The following MYO16 variants were observed in gnomAD, a reference collection of about 807,000 sequenced individuals.
MYO16 encodes the protein unconventional myosin-XVI.
Under a neutral mutation model 205.3 loss-of-function variants are expected in MYO16, and 94 were observed. The observed-to-expected ratio is 0.46, with a 90% CI of 0.39 to 0.54. MYO16 has a LOEUF of 0.54. Among genes scored for constraint, MYO16 ranks in the 20% least tolerant of loss-of-function variants. The pLI, the probability that MYO16 is intolerant of heterozygous loss-of-function variation, is 0.00. For synonymous variants in MYO16, 988 were observed against 954.0 expected (o/e 1.04, Z -0.66); for missense variants, 2,315 against 2,387.5 (o/e 0.97, Z 0.63).
At chr13:109,007,706 TC>T (rs201217218) in intron 21 of MYO16, among the ~76,000 whole-genome samples, 24,379 of 151,866 alleles carry the variant, frequency 0.16, 2,231 homozygotes, top group Non-Finnish European at 0.2. Flanking sequence ...TAAAGGTTTT[TC>T]TTTAAGATTA....
intron 16 of MYO16, among the ~76,000 whole-genome samples, chr13:108,934,247 C>T (rs1016779176): frequency 3.3e-5 from 5 of 152,154 alleles, no homozygotes; most frequent in African/African-American, 1.2e-4. Flanking sequence ...CTCATCCTCA[C>T]CAATGTCTAT....
chr13:109,065,915 A>G (rs1279860904), intron 27 of MYO16, among the ~76,000 whole-genome samples: 4 of 152,330 alleles, frequency 2.6e-5, no homozygotes, highest in Admixed American at 2.0e-4. Flanking sequence ...CTTATTTGGA[A>G]AAGACAGAAG....
intron 33 of MYO16, among the ~76,000 whole-genome samples, chr13:109,171,433 A>G (rs544985137): frequency 2.4e-4 from 36 of 152,314 alleles, no homozygotes; most frequent in African/African-American, 8.4e-4. Context: ...TTTCTAGGAA[A>G]CATTTCTCTT....
At chr13:109,182,800 C>T (rs1879510252) in intron 34 of MYO16, among the ~76,000 whole-genome samples, 1 of 152,184 alleles carries the variant, frequency 6.6e-6, no homozygotes, top group African/African-American at 2.4e-5. Flanking sequence ...TGATGTTGTA[C>T]TGCATTATAA....
At chr13:109,185,532 G>C (rs1460489994) in intron 34 of MYO16, among the ~76,000 whole-genome samples, 1 of 152,076 alleles carries the variant, frequency 6.6e-6, no homozygotes, top group African/African-American at 2.4e-5. Flanking sequence ...GATTAGATTG[G>C]ATCAAGAGAA....
intron 5 of MYO16, among the ~76,000 whole-genome samples, 161 bp from the exon 6 acceptor site, chr13:108,793,355 A>G (rs1886680921): frequency 6.6e-6 from 1 of 152,252 alleles, no homozygotes. Context: ...TTGGAAATAG[A>G]ATATGTACAA....
chr13:109,057,536 A>G (rs913765793), intron 27 of MYO16, among the ~76,000 whole-genome samples: 1 of 152,028 alleles, frequency 6.6e-6, no homozygotes, highest in African/African-American at 2.4e-5. Context: ...AGTAGCTATC[A>G]CTGACTGTTG....
chr13:108,641,738 T>C (rs543614314), intron 1 of MYO16, among the ~76,000 whole-genome samples: 1 of 152,168 alleles, frequency 6.6e-6, no homozygotes, highest in Non-Finnish European at 1.5e-5. Flanking sequence ...CAGGGCAACA[T>C]TTTGCTTCAC....
intron 21 of MYO16, among the ~76,000 whole-genome samples, chr13:108,997,050 G>T (rs1050277360): frequency 6.6e-6 from 1 of 152,060 alleles, no homozygotes; most frequent in African/African-American, 2.4e-5. Context: ...CAGCACTTTG[G>T]GAAGCCAAGG....
At chr13:109,181,507 G>A (rs72658207) in intron 34 of MYO16, among the ~76,000 whole-genome samples, 8,666 of 152,262 alleles carry the variant, frequency 0.057, 348 homozygotes, top group Non-Finnish European at 0.087. Flanking sequence ...GATTGGGCAC[G>A]TAGCAGTAAA....
Position 109,141,144 on chromosome 13 carries a change from T to C in MYO16, c.4932T>C (p.Ser1644=), listed in dbSNP as rs1433678284. The change falls in exon 32 of 35, where the codon TCT becomes TCC. Residue 1644 remains serine (S), a synonymous_variant. Coordinates refer to ENST00000457511, the MANE Select transcript of MYO16 (RefSeq NM_001198950.3). The surrounding 1 kb of genome is among the most constrained non-coding windows in gnomAD (Gnocchi z 4.1). ...CCAAGGTTCACCCAAAGCCAAACTCTGCCCCCGTGGCCGGGCCCTGCAGCT... is the reference window on the plus strand; with the variant it reads ...CCAAGGTTCACCCAAAGCCAAACTCCGCCCCCGTGGCCGGGCCCTGCAGCT... ...EAPKVHPKPN[S]APVAGPCSSF... The C allele has an allele frequency of 6.3e-7, 1 of 1,599,984 alleles. No homozygotes were observed. Among genetic ancestry groups the C allele is most frequent in the South Asian group, 1.1e-5 (1 of 89,990 alleles).
intron 33 of MYO16, among the ~76,000 whole-genome samples, chr13:109,173,953 G>GC (rs1555338669): frequency 4.1e-5 from 6 of 147,630 alleles, no homozygotes; most frequent in Admixed American, 6.7e-5. Context: ...TTGATGGGGG[G>GC]GGGTACTCTC....
chr13:109,074,065 T>C (rs1314786104), intron 27 of MYO16, among the ~76,000 whole-genome samples: 1 of 152,222 alleles, frequency 6.6e-6, no homozygotes, highest in Non-Finnish European at 1.5e-5. Context: ...TAAGTTTCTC[T>C]GAATTATTTT....
chr13:108,687,541 T>A (rs1175371734), intron 2 of MYO16, among the ~76,000 whole-genome samples: 1 of 152,218 alleles, frequency 6.6e-6, no homozygotes, highest in Non-Finnish European at 1.5e-5. Context: ...TGCATTCATT[T>A]TAAACCACTC....
At chr13:108,631,374 C>G (rs1879974389) in intron 1 of MYO16, among the ~76,000 whole-genome samples, 1 of 152,146 alleles carries the variant, frequency 6.6e-6, no homozygotes, top group South Asian at 2.1e-4. Context: ...CAATATGAGT[C>G]TGCCCTTTCC....
At chr13:108,585,922 G>A in the MYO16 span, among the ~76,000 whole-genome samples, 2 of 149,846 alleles carry the variant, frequency 1.3e-5, no homozygotes, top group Admixed American at 6.8e-5. Context: ...GAAATAACTC[G>A]TTTGCTATTT....
At chr13:108,917,679 C>T (rs1408730460) in intron 16 of MYO16, among the ~76,000 whole-genome samples, 2 of 152,186 alleles carry the variant, frequency 1.3e-5, no homozygotes, top group Admixed American at 1.3e-4. Context: ...GCATGATCTG[C>T]CTAAGCCACA....
chr13:108,811,805 A>T (rs1374151359), intron 7 of MYO16, among the ~76,000 whole-genome samples: 1 of 152,120 alleles, frequency 6.6e-6, no homozygotes, highest in African/African-American at 2.4e-5. Flanking sequence ...CATCTGGGTT[A>T]ACCCATCAGC....
At chr13:108,756,465 T>C (rs1885425499) in intron 4 of MYO16, among the ~76,000 whole-genome samples, 1 of 152,154 alleles carries the variant, frequency 6.6e-6, no homozygotes, top group Non-Finnish European at 1.5e-5. Flanking sequence ...TGATTTACTC[T>C]GTTCATTTAT....
Sources: gnomAD v4.1 joint callset for allele counts (sites outside exome capture counted in the v4.1 genomes callset) on GRCh38, gnomAD v4.1.1 for gene constraint, Gnocchi (gnomAD v3.1) non-coding constraint, MANE v1.5 for transcripts, NCBI Gene and HGNC (gene_info 2026-07-23, HGNC 2026-07-21) for gene names.